Variants in ZNF114 observed in about 807,000 individuals in gnomAD.
ZNF114 encodes the protein zinc finger protein 114.
ZNF114 carries 8 observed loss-of-function variants against 6.8 expected under a neutral mutation model. That is an observed-to-expected ratio of 1.18 (90% confidence interval 0.69 to 2.13). The LOEUF (loss-of-function observed/expected upper bound fraction) is 2.13, where lower values mean the gene tolerates loss of function less well. Among genes scored for constraint, ZNF114 ranks in the 30% most tolerant of loss-of-function variants. The pLI is 0.00. For missense variants in ZNF114, 472 were observed against 519.5 expected (o/e 0.91, Z 0.89); for synonymous variants, 169 against 185.5 (o/e 0.91, Z 0.72).
In ZNF114 at chr19:48,285,889, G is replaced by A. The variant is rs753732269; in HGVS notation, c.265G>A (p.Asp89Asn). The A allele has an allele frequency of 4.3e-6, 7 of 1,614,076 alleles. No homozygotes were observed. The highest frequency in any genetic ancestry group is 2.2e-5 in the East Asian group (1 of 44,892). ...ISSQHSTLREDWRCPKTEEPH... is the reference protein window; with the variant it reads ...ISSQHSTLRENWRCPKTEEPH... Reference sequence around the variant, plus strand: ...TTCCCAGCACTCCACATTAAGAGAAGACTGGAGATGCCCCAAAACAGAGGA... The same window carrying A: ...TTCCCAGCACTCCACATTAAGAGAAAACTGGAGATGCCCCAAAACAGAGGA... Residue 89 changes from aspartate to asparagine, a missense_variant, in exon 6 of 6, where the codon GAC becomes AAC. Transcript: ENST00000595607.
At position 48,272,673 on chromosome 19, in the gene ZNF114, CAAAAAAAAAA is replaced by C. The variant is rs57823987; in HGVS notation, c.-70+861_-70+870del. Among the ~76,000 whole-genome samples, 20 of 39,226 alleles carry C rather than the reference CAAAAAAAAAA, an allele frequency of 5.1e-4. 2 individuals are homozygous for C. The highest frequency in any genetic ancestry group is 2.1e-3 in the African/African-American group (18 of 8,552). 25.7% of individuals were successfully genotyped at this position (39,226 alleles called of 152,430 possible). The stretch of plus-strand genomic sequence containing the variant: ...TGGGCGACAGAGCAAGACTCTCTCT[CAAAAAAAAAA>C]AAAAAAAAAAAAAAAGTATTGGATT... On this transcript the variant is annotated intron_variant, in intron 3 of 5. Coordinates refer to ENST00000595607, the MANE Select transcript of ZNF114 (RefSeq NM_153608.4).
At chr19:48,274,502 ATATATTTT>A (rs1967771240) in intron 3 of ZNF114, among the ~76,000 whole-genome samples, 1 of 17,820 alleles carries the variant, frequency 5.6e-5, no homozygotes, top group African/African-American at 1.1e-4. Context: ...ATATATATAT[ATATATTTT>A]TTTTTTTTTT....
intron 1 of ZNF114, among the ~76,000 whole-genome samples, chr19:48,270,648 GAGAAAGAAAAAGA>G (rs1967630159): frequency 7.9e-6 from 1 of 126,186 alleles, no homozygotes; most frequent in Non-Finnish European, 1.7e-5. Context: ...AAGGGAGAGA[GAGAAAGAAAAAGA>G]AGAAAGAAAG....
At chr19:48,276,553 A>T (rs1252646937) in intron 3 of ZNF114, among the ~76,000 whole-genome samples, 1 of 152,020 alleles carries the variant, frequency 6.6e-6, no homozygotes, top group East Asian at 1.9e-4. Context: ...ATAGGGCCTC[A>T]TTCTGTCACC....
Position 48,286,661 on chromosome 19 carries a change from A to C in ZNF114, c.1037A>C (p.His346Pro), listed in dbSNP as rs150633518. The C allele has an allele frequency of 1.2e-6, 2 of 1,612,644 alleles. No individual in the cohort carries two copies. The highest frequency in any genetic ancestry group is 2.7e-5 in the African/African-American group (2 of 74,780). ...GGGAAAGCCTTTAGATATTCCTTAC[A>C]CCTTAATAAACATTTAAGAAAGCAT... ...KCGKAFRYSL[H>P]LNKHLRKHVV... Residue 346 changes from histidine (H) to proline (P), a missense_variant, in exon 6 of 6, where the codon CAC becomes CCC. By Grantham distance (77) the His-to-Pro change is moderately conservative. Coordinates refer to ENST00000595607, the MANE Select transcript of ZNF114 (RefSeq NM_153608.4).
At chr19:48,280,980 CTT>C (rs1967972448) in intron 4 of ZNF114, among the ~76,000 whole-genome samples, 1 of 152,032 alleles carries the variant, frequency 6.6e-6, no homozygotes, top group Admixed American at 6.6e-5. Flanking sequence ...CTCAGGTACT[CTT>C]TTTCCTGAGA....
Position 48,277,640 on chromosome 19 carries a change from G to A in ZNF114, c.-69-2091G>A, listed in dbSNP as rs73045518. On this transcript the variant is annotated intron_variant, in intron 3 of 5. Transcript: ENST00000595607. ...CAGCCGCTGTGCATCCTCCTAACGC[G>A]GTCTAGGGCAGCTCCCCTGCCATCT... is the stretch of plus-strand genomic sequence containing the variant. Among the ~76,000 whole-genome samples, 1,281 of 152,292 alleles carry A rather than the reference G, an allele frequency of 8.4e-3. 6 individuals carry two copies. Among genetic ancestry groups the A allele is most frequent in the Non-Finnish European group, 0.015 (988 of 68,016 alleles).
chr19:48,282,326 G>C (rs757101011), intron 4 of ZNF114, 45 bp from the exon 5 acceptor site: 1 of 1,608,450 alleles, frequency 6.2e-7, no homozygotes, highest in African/African-American at 1.3e-5. Context: ...AGTTCAAACT[G>C]ATAACAGGAC....
At chr19:48,278,762 C>T (rs1182582924) in intron 3 of ZNF114, among the ~76,000 whole-genome samples, 7 of 151,940 alleles carry the variant, frequency 4.6e-5, no homozygotes, top group East Asian at 1.9e-4. Flanking sequence ...GCCAGCATGG[C>T]GAAATCCCAT....
rs1410114646 is a variant in ZNF114, at chr19:48,271,422, T to G, written c.-199T>G. ...ACAGCGAGGACCCAAGGCTGGGGTT[T>G]CCTGCTTGGATCAGGAGTGCCTGGG... On this transcript the variant is annotated 5_prime_UTR_variant, in exon 2 of 6. Coordinates refer to ENST00000595607, the MANE Select transcript of ZNF114 (RefSeq NM_153608.4). 1.1e-4 allele frequency: 17 copies of G among 152,254 alleles called. No individual in the cohort carries two copies. Among genetic ancestry groups the G allele is most frequent in the Admixed American group, 1.0e-3 (16 of 15,256 alleles). 9.4% of individuals were successfully genotyped at this position (152,254 alleles called of 1,614,324 possible).
At chr19:48,270,890 T>C (rs1227532498) in intron 1 of ZNF114, among the ~76,000 whole-genome samples, 1 of 151,008 alleles carries the variant, frequency 6.6e-6, no homozygotes. Flanking sequence ...AACCCTGTCT[T>C]TACTAAAAAT....
At chr19:48,279,642 T>C in intron 3 of ZNF114, 89 bp from the exon 4 acceptor site, 1 of 863,940 alleles carries the variant, frequency 1.2e-6, no homozygotes, top group South Asian at 1.5e-5. Context: ...CGTGCATTTA[T>C]ATGCTGAGAT....
chr19:48,275,906 C>T (rs547100698), intron 3 of ZNF114, among the ~76,000 whole-genome samples: 3 of 149,238 alleles, frequency 2.0e-5, no homozygotes, highest in South Asian at 2.1e-4. Flanking sequence ...GGGGTGAACC[C>T]GGGAGGCAGA....
chr19:48,277,990 A>T (rs1027944814), intron 3 of ZNF114, among the ~76,000 whole-genome samples: 1 of 151,416 alleles, frequency 6.6e-6, no homozygotes, highest in Non-Finnish European at 1.5e-5. Context: ...TGGGGTGTGC[A>T]GTGGTGCGAT....
Position 48,273,808 on chromosome 19 carries a change from A to G in ZNF114, c.-70+1980A>G, listed in dbSNP as rs1440193968. On this transcript the variant is annotated intron_variant, in intron 3 of 5. Transcript: ENST00000595607. ...AGTCTCGCTCTGTCGCCCAGGCTGG[A>G]GTGCAGTGGCGTTATCTCGGCTCAC... Among the ~76,000 whole-genome samples, 4 of 136,066 alleles carry G rather than the reference A, an allele frequency of 2.9e-5. 1 individual carries two copies. The highest frequency in any genetic ancestry group is 2.5e-4 in the Admixed American group (3 of 12,102). The allele number at this position is 136,066 out of a possible 152,430, so 89.3% of individuals were successfully genotyped here. A position where few individuals can be genotyped will look rare whatever the true frequency, so the allele number is the denominator to read the frequency against.
chr19:48,283,352 C>A (rs1419971855), intron 5 of ZNF114, among the ~76,000 whole-genome samples: 1 of 152,158 alleles, frequency 6.6e-6, no homozygotes, highest in Non-Finnish European at 1.5e-5. Context: ...ACATCATCAG[C>A]TTCAGAACCC....
rs1482147920 is a variant in ZNF114, at chr19:48,286,878, AAAGG to A, written c.*5_*8del. On this transcript the variant is annotated 3_prime_UTR_variant, in exon 6 of 6. Coordinates refer to ENST00000595607, the MANE Select transcript of ZNF114 (RefSeq NM_153608.4). ...ACAAAGATGAGAAGCCCTGTGAATG[AAAGG>A]AAGGTGGAAAATTTTTCATTAATTT... 1.3e-6 allele frequency: 2 copies of A among 1,549,944 alleles called. No homozygotes were observed. The highest frequency in any genetic ancestry group is 1.7e-6 in the Non-Finnish European group (2 of 1,155,532).
chr19:48,277,496 C>T (rs1450227491), intron 3 of ZNF114, among the ~76,000 whole-genome samples: 1 of 151,990 alleles, frequency 6.6e-6, no homozygotes, highest in Non-Finnish European at 1.5e-5. Context: ...TTTTTTTCCC[C>T]CTCTGGTTTT....
In ZNF114 at chr19:48,279,791, G is replaced by T; in HGVS notation, c.-9G>T. On this transcript the variant is annotated 5_prime_UTR_variant, in exon 4 of 6. Coordinates refer to ENST00000595607, the MANE Select transcript of ZNF114 (RefSeq NM_153608.4). ...GAAGCCAGGACTGGCCGTCACGTTGGTGACAAATATGTCCCAGGTAAGTTG... is the reference window on the plus strand; with the variant it reads ...GAAGCCAGGACTGGCCGTCACGTTGTTGACAAATATGTCCCAGGTAAGTTG... 1 of 1,614,000 alleles carries T rather than the reference G, an allele frequency of 6.2e-7. No individual in the cohort carries two copies. The highest frequency in any genetic ancestry group is 8.5e-7 in the Non-Finnish European group (1 of 1,179,954).
Sources: gnomAD v4.1 joint callset for allele counts (sites outside exome capture counted in the v4.1 genomes callset) on GRCh38, gnomAD v4.1.1 for gene constraint, MANE v1.5 for transcripts, NCBI Gene and HGNC (gene_info 2026-07-23, HGNC 2026-07-21) for gene names.